The following CAPN8 variants were observed in gnomAD, a reference collection of about 807,000 sequenced individuals.
CAPN8 encodes calpain 8, also known as calpain-8.
In CAPN8, 87 loss-of-function variants were observed where a neutral mutation model predicts 80.9. The observed-to-expected ratio is 1.07, with a 90% confidence interval of 0.90 to 1.28. The LOEUF (loss-of-function observed/expected upper bound fraction) is 1.28, where lower values mean the gene tolerates loss of function less well. CAPN8 is among the 50% of genes most tolerant of loss of function. The probability of loss-of-function intolerance (pLI) is 0.00; values close to 1 mark genes in which losing one functional copy is unlikely to be tolerated. For synonymous variants in CAPN8, 299 were observed against 273.8 expected (o/e 1.09, Z -0.91); for missense variants, 757 against 702.0 (o/e 1.08, Z -0.89).
rs544425818 is a variant in CAPN8 at position 223,628,713 on chromosome 1, G to A, written c.375C>T (p.Val125=). 1 of 1,551,814 alleles carries A rather than the reference G, an allele frequency of 6.4e-7. No individual in the cohort carries two copies. The highest frequency in any genetic ancestry group is 1.4e-5 in the African/African-American group (1 of 73,042). Residue 125 remains valine, a synonymous_variant, in exon 3 of 21, where the codon GTC becomes GTT. Coordinates refer to ENST00000366872, the MANE Select transcript of CAPN8 (RefSeq NM_001143962.2). ...TCTCCTGGAAGTCCTGGTCCCTGGG[G>A]ACCACCCGGTAAAGCAGCTCTTCAT... The part of the protein sequence containing the change: ...TLNEELLYRV[V]PRDQDFQENY...
At chr1:223,660,341 A>T (rs1658612148) in intron 1 of CAPN8, among the ~76,000 whole-genome samples, 1 of 152,184 alleles carries the variant, frequency 6.6e-6, no homozygotes, top group Non-Finnish European at 1.5e-5. Context: ...AACCAAGCAC[A>T]GAGGGGAAGC....
intron 2 of CAPN8, among the ~76,000 whole-genome samples, chr1:223,635,391 C>T (rs1038213537): frequency 2.6e-5 from 4 of 152,152 alleles, no homozygotes; most frequent in African/African-American, 7.2e-5. Flanking sequence ...CCTTGCAGAG[C>T]AGGGCTAATT....
intron 7 of CAPN8, 96 bp downstream of exon 7, chr1:223,622,719 G>C (rs1368718714): frequency 4.3e-6 from 4 of 922,114 alleles, no homozygotes; most frequent in Middle Eastern, 2.2e-4. Context: ...ACGTGCTGCT[G>C]AACTCACTGT....
chr1:223,619,516 T>C (rs549767329), intron 8 of CAPN8, 63 bp from the exon 9 acceptor site: 1,115 of 1,529,568 alleles, frequency 7.3e-4, no homozygotes, highest in Non-Finnish European at 9.2e-4. Flanking sequence ...AAGGCACGCA[T>C]ACTGAGCACG....
At chr1:223,610,087 A>G (rs74201723) in intron 11 of CAPN8, among the ~76,000 whole-genome samples, 9,221 of 152,290 alleles carry the variant, frequency 0.061, 311 homozygotes, top group South Asian at 0.092. Context: ...CAGGTGCCAA[A>G]GTTATTATTG....
intron 1 of CAPN8, among the ~76,000 whole-genome samples, chr1:223,659,482 C>T (rs760985101): frequency 1.3e-5 from 2 of 152,124 alleles, no homozygotes; most frequent in Non-Finnish European, 2.9e-5. Context: ...CCTCTGAATA[C>T]ACTTGCTCCC....
At chr1:223,615,883 A>C in intron 10 of CAPN8, 87 bp downstream of exon 10, 1 of 1,476,234 alleles carries the variant, frequency 6.8e-7, no homozygotes, top group Non-Finnish European at 9.2e-7. Flanking sequence ...CTCCAGCAAT[A>C]GGAAAGATGT....
At chr1:223,545,007 G>A in intron 17 of CAPN8, 157 bp from the exon 18 acceptor site, 2 of 1,448,322 alleles carry the variant, frequency 1.4e-6, no homozygotes, top group South Asian at 2.8e-5. Context: ...AAGCATAAGA[G>A]CTTGGCCAGT....
intron 16 of CAPN8, 158 bp from the exon 17 acceptor site, chr1:223,545,457 A>T: frequency 8.3e-7 from 1 of 1,198,116 alleles, no homozygotes; most frequent in East Asian, 2.6e-5. Context: ...ACAGGTTCAA[A>T]TAAAGATTAA....
chr1:223,664,716 T>C (rs979878031), intron 1 of CAPN8, among the ~76,000 whole-genome samples: 2 of 152,218 alleles, frequency 1.3e-5, no homozygotes, highest in African/African-American at 4.8e-5. Context: ...GGTGGGCAGA[T>C]GGCTTAAGCC....
chr1:223,653,613 T>C (rs1658399856), intron 2 of CAPN8, among the ~76,000 whole-genome samples: 1 of 152,114 alleles, frequency 6.6e-6, no homozygotes, highest in Non-Finnish European at 1.5e-5. Context: ...GCCCCTCAAA[T>C]TCAATTCAGA....
chr1:223,615,734 G>T, intron 10 of CAPN8: 1 of 645,870 alleles, frequency 1.5e-6, no homozygotes, highest in Admixed American at 2.1e-5. Context: ...GACAGGCAAA[G>T]GTTAATGTAT....
chr1:223,657,958 T>C (rs1485742214), intron 1 of CAPN8, among the ~76,000 whole-genome samples: 1 of 152,112 alleles, frequency 6.6e-6, no homozygotes, highest in Non-Finnish European at 1.5e-5. Context: ...ATACCCTTAC[T>C]CATGCTTGAT....
At chr1:223,544,914 C>A in intron 17 of CAPN8, 64 bp from the exon 18 acceptor site, 1 of 1,549,142 alleles carries the variant, frequency 6.5e-7, no homozygotes, top group Non-Finnish European at 8.7e-7. Flanking sequence ...GAACCATCTC[C>A]CTCCACCACA....
intron 3 of CAPN8, 120 bp downstream of exon 3, chr1:223,628,542 G>A: frequency 2.7e-6 from 2 of 731,574 alleles, no homozygotes; most frequent in South Asian, 3.6e-5. Flanking sequence ...GAGTCACCTA[G>A]AGGGATTATT....
chr1:223,637,409 C>T (rs1657929256), intron 2 of CAPN8, among the ~76,000 whole-genome samples: 1 of 152,144 alleles, frequency 6.6e-6, no homozygotes, highest in African/African-American at 2.4e-5. Flanking sequence ...ATCCTCAGTA[C>T]TCCTGTTTGC....
intron 1 of CAPN8, among the ~76,000 whole-genome samples, chr1:223,663,940 A>G (rs1361915): frequency 0.99 from 150,173 of 152,356 alleles, 74,041 homozygotes; most frequent in East Asian, 1. Flanking sequence ...ACCCTGACTT[A>G]ATTTCCCTAT....
chr1:223,557,841 C>T (rs1179896225), intron 13 of CAPN8, among the ~76,000 whole-genome samples: 1 of 152,216 alleles, frequency 6.6e-6, no homozygotes, highest in Non-Finnish European at 1.5e-5. Context: ...CTATCTCGCA[C>T]AGGACAGCTT....
chr1:223,553,099 A>AT (rs2102692462), intron 14 of CAPN8, among the ~76,000 whole-genome samples: 1 of 119,012 alleles, frequency 8.4e-6, no homozygotes, highest in South Asian at 2.6e-4. Flanking sequence ...GGGGGAGACC[A>AT]TTGTTTTTTC....
Sources: gnomAD v4.1 joint callset for allele counts (sites outside exome capture counted in the v4.1 genomes callset) on GRCh38, gnomAD v4.1.1 for gene constraint, MANE v1.5 for transcripts, NCBI Gene and HGNC (gene_info 2026-07-23, HGNC 2026-07-21) for gene names.